Variants in KCNJ15 observed in about 807,000 individuals in gnomAD.
KCNJ15 encodes the protein ATP-sensitive inward rectifier potassium channel 15.
Under a neutral mutation model 23.0 loss-of-function variants are expected in KCNJ15, and 14 were observed. The observed-to-expected ratio is 0.61, with a 90% CI of 0.40 to 0.95. The LOEUF is 0.95. KCNJ15 is among the 40% of genes least tolerant of loss of function. The probability of loss-of-function intolerance (pLI) is 0.00; values close to 1 mark genes in which losing one functional copy is unlikely to be tolerated. For missense variants in KCNJ15, 388 were observed against 461.8 expected (o/e 0.84, Z 1.46); for synonymous variants, 185 against 183.2 (o/e 1.01, Z -0.08).
chr21:38,270,497 AG>A (rs2123642682), intron 1 of KCNJ15, among the ~76,000 whole-genome samples: 1 of 152,326 alleles, frequency 6.6e-6, no homozygotes, highest in Non-Finnish European at 1.5e-5. Context: ...GTTGCCTTTC[AG>A]AAGGCATCTC....
chr21:38,256,360 T>TTATATATATATATATATATATATATATA (rs56679003), upstream of KCNJ15, among the ~76,000 whole-genome samples: 482 of 105,804 alleles, frequency 4.6e-3, 12 homozygotes, highest in African/African-American at 9.6e-3. Flanking sequence ...TCTATTCAGC[T>TTATATATATATATATATATATATATATA]TATATATATA....
At chr21:38,291,275 G>A (rs189468534) in intron 1 of KCNJ15, among the ~76,000 whole-genome samples, 1 of 152,210 alleles carries the variant, frequency 6.6e-6, no homozygotes, top group Admixed American at 6.5e-5. Context: ...TCCCATCCTA[G>A]AATCTAGGTT....
intron 1 of KCNJ15, among the ~76,000 whole-genome samples, chr21:38,248,033 A>T (rs1201467823): frequency 6.6e-6 from 1 of 152,246 alleles, no homozygotes. Flanking sequence ...ATCCAGGTGC[A>T]TTTCTACAAT....
chr21:38,279,125 G>A (rs190410573), intron 1 of KCNJ15, among the ~76,000 whole-genome samples: 3 of 152,356 alleles, frequency 2.0e-5, no homozygotes, highest in East Asian at 1.9e-4. Context: ...TTCAAGGGAT[G>A]TTGGGGTAGA....
chr21:38,265,148 C>T (rs905645312), intron 1 of KCNJ15, among the ~76,000 whole-genome samples: 1 of 152,148 alleles, frequency 6.6e-6, no homozygotes, highest in Non-Finnish European at 1.5e-5. Flanking sequence ...TGTTAGCATA[C>T]CTGTGGCAAT....
intron 1 of KCNJ15, among the ~76,000 whole-genome samples, chr21:38,234,279 T>G (rs578123021): frequency 2.0e-4 from 31 of 152,352 alleles, no homozygotes; most frequent in Non-Finnish European, 2.9e-4. Flanking sequence ...TTTCTTTTTT[T>G]CTCATGAGCT....
At chr21:38,246,644 G>T (rs1292391461) in intron 1 of KCNJ15, among the ~76,000 whole-genome samples, 1 of 152,122 alleles carries the variant, frequency 6.6e-6, no homozygotes, top group Non-Finnish European at 1.5e-5. Flanking sequence ...TAAAAAAGAG[G>T]AACATATTAC....
intron 1 of KCNJ15, among the ~76,000 whole-genome samples, chr21:38,246,743 G>A (rs1302561248): frequency 1.3e-5 from 2 of 152,164 alleles, no homozygotes; most frequent in Admixed American, 6.5e-5. Flanking sequence ...GCACCTGGCT[G>A]GTATGAGGAG....
Position 38,245,704 on chromosome 21 carries a change from GGAAA to G in KCNJ15, c.-398-11331_-398-11328del, listed in dbSNP as rs369478504. 7.7e-4 allele frequency among the ~76,000 whole-genome samples: 115 copies of G among 149,682 alleles called. No individual in the cohort carries two copies. In the South Asian group the frequency reaches 8.2e-3, roughly 11 times the overall value. On this transcript the variant is annotated intron_variant, in intron 1 of 4. Transcript: ENST00000547341. ...GAAAGGGAAGAAAGAAAGAAGGAAA[GGAAA>G]GAAAGAAAGAGAGAGAAAGAGAAAG...
At chr21:38,297,156 G>A (rs2146349153) in intron 2 of KCNJ15, 133 bp downstream of exon 2, 1 of 152,690 alleles carries the variant, frequency 6.5e-6, no homozygotes, top group Non-Finnish European at 1.5e-5. Flanking sequence ...CACACCCAGA[G>A]GCTCTAGGTC....
intron 1 of KCNJ15, among the ~76,000 whole-genome samples, chr21:38,288,406 A>C (rs972489773): frequency 1.3e-5 from 2 of 152,102 alleles, no homozygotes; most frequent in Admixed American, 1.3e-4. Context: ...TCATGCTAAT[A>C]ACTAATATGA....
Position 38,300,083 on chromosome 21 carries a change from G to C in KCNJ15, c.822G>C (p.Glu274Asp). 1 of 1,614,196 alleles carries C rather than the reference G, an allele frequency of 6.2e-7. No individual in the cohort carries two copies. The highest frequency in any genetic ancestry group is 8.5e-7 in the Non-Finnish European group (1 of 1,180,032). ...LRDLTPQNLKEKEFELVVLLN... is the reference protein window; with the variant it reads ...LRDLTPQNLKDKEFELVVLLN... ...ACCTCACACCCCAAAACCTAAAGGAGAAGGAGTTTGAGCTTGTGGTCCTCC... is the reference window on the plus strand; with the variant it reads ...ACCTCACACCCCAAAACCTAAAGGACAAGGAGTTTGAGCTTGTGGTCCTCC... The change falls in exon 3 of 3, where the codon GAG (glutamate) becomes GAC (aspartate). Residue 274 changes from glutamate to aspartate, a missense_variant. Physicochemically the swap from Glu to Asp is conservative, Grantham distance 45. Transcript: ENST00000398938.
intron 1 of KCNJ15, among the ~76,000 whole-genome samples, chr21:38,266,531 C>A (rs1981484666): frequency 6.6e-6 from 1 of 152,164 alleles, no homozygotes; most frequent in South Asian, 2.1e-4. Flanking sequence ...TTTATCCAGT[C>A]TATCATTGAT....
At chr21:38,268,467 C>G (rs893090244) in intron 1 of KCNJ15, among the ~76,000 whole-genome samples, 3 of 125,368 alleles carry the variant, frequency 2.4e-5, no homozygotes, top group Non-Finnish European at 4.9e-5. Context: ...ATTTTCTTAG[C>G]AAAAGTCAAA....
At chr21:38,288,041 T>TTTTTTTC in intron 1 of KCNJ15, among the ~76,000 whole-genome samples, 1 of 88,272 alleles carries the variant, frequency 1.1e-5, no homozygotes, top group Non-Finnish European at 2.5e-5. Flanking sequence ...TTTTTTTTTT[T>TTTTTTTC]TTTTTTTTTT....
chr21:38,285,236 A>G (rs908990605), intron 1 of KCNJ15, among the ~76,000 whole-genome samples: 1 of 152,190 alleles, frequency 6.6e-6, no homozygotes, highest in African/African-American at 2.4e-5. Context: ...ATTCCTTTTG[A>G]TAAGTCGTAT....
Position 38,300,353 on chromosome 21 carries a change from A to G in KCNJ15, c.1092A>G (p.Glu364=). The change falls in exon 3 of 3, where the codon GAA becomes GAG. Residue 364 remains glutamate (E), a synonymous_variant. Transcript: ENST00000398938. The part of the protein sequence containing the change: ...KYRQEDQRER[E]LRTLLLQQSN... ...GGCAGGAGGATCAGAGGGAAAGAGA[A>G]CTGAGGACACTTTTATTACAACAGA... 1 of 1,613,538 alleles carries G rather than the reference A, an allele frequency of 6.2e-7. No homozygotes were observed. Among genetic ancestry groups the G allele is most frequent in the Non-Finnish European group, 8.5e-7 (1 of 1,179,650 alleles).
At chr21:38,276,227 TACGTATTTCAAAG>T (rs2123663562) in intron 1 of KCNJ15, among the ~76,000 whole-genome samples, 1 of 152,126 alleles carries the variant, frequency 6.6e-6, no homozygotes, top group Admixed American at 6.5e-5. Flanking sequence ...CTCTCACCTT[TACGTATTTCAAAG>T]ACCACAGTAG....
rs1365024261 is a variant in KCNJ15 at position 38,302,674 on chromosome 21, TATTAA to T, written c.*2289_*2293del. ...CATGTTTACACCTTTTCTGTTGCAC[TATTAA>T]ATTCTTTTCACAGTATTCATATCAA... is the stretch of plus-strand genomic sequence containing the variant. On this transcript the variant is annotated 3_prime_UTR_variant, in exon 3 of 3. Transcript: ENST00000398938. 1.3e-5 allele frequency: 2 copies of T among 152,210 alleles called. No individual in the cohort carries two copies. The highest frequency in any genetic ancestry group is 4.8e-5 in the African/African-American group (2 of 41,454). 9.4% of individuals were successfully genotyped at this position (152,210 alleles called of 1,614,324 possible).
Sources: allele counts gnomAD v4.1 joint callset (sites outside exome capture counted in the v4.1 genomes callset), GRCh38; gene constraint gnomAD v4.1.1; transcripts MANE v1.5; gene names NCBI Gene and HGNC (gene_info 2026-07-23, HGNC 2026-07-21).